Variants in TMEM108 observed in about 807,000 individuals in gnomAD.
TMEM108 encodes transmembrane protein 108.
TMEM108 carries 12 observed loss-of-function variants against 35.1 expected under a neutral mutation model. That is an observed-to-expected ratio of 0.34 (90% CI 0.22 to 0.55). TMEM108 has a LOEUF of 0.55. Ranked by LOEUF, TMEM108 falls within the 20% of genes least tolerant of loss-of-function variation. TMEM108 has a pLI of 0.89. For missense variants in TMEM108, 680 were observed against 753.3 expected, an observed-to-expected ratio of 0.90 and a Z score of 1.14; for synonymous variants, 287 against 308.6, an observed-to-expected ratio of 0.93 and a Z score of 0.73.
intron 2 of TMEM108, among the ~76,000 whole-genome samples, chr3:133,174,173 A>G (rs896042019): frequency 1.3e-5 from 2 of 152,254 alleles, no homozygotes; most frequent in Non-Finnish European, 2.9e-5. Flanking sequence ...TAATCAAAGC[A>G]GCCGGGAAGC....
chr3:133,338,816 G>T (rs1047249811), intron 3 of TMEM108, among the ~76,000 whole-genome samples: 1 of 151,982 alleles, frequency 6.6e-6, no homozygotes, highest in African/African-American at 2.4e-5. Flanking sequence ...TCAGGAGGAT[G>T]AAATTAAGGC....
intron 2 of TMEM108, among the ~76,000 whole-genome samples, chr3:133,086,939 A>G (rs921721245): frequency 6.6e-6 from 1 of 152,242 alleles, no homozygotes; most frequent in African/African-American, 2.4e-5. Context: ...AAAATGATTC[A>G]GAAAAATGCA....
chr3:133,306,720 G>T (rs933444641), intron 3 of TMEM108, among the ~76,000 whole-genome samples: 4 of 152,086 alleles, frequency 2.6e-5, no homozygotes, highest in African/African-American at 9.7e-5. Flanking sequence ...TGGCTGCATA[G>T]TATTCCATGG....
Position 133,395,927 on chromosome 3 carries a change from G to A in TMEM108, c.1669G>A (p.Val557Ile), listed in dbSNP as rs547372589. 58 of 1,608,250 alleles carry A rather than the reference G, an allele frequency of 3.6e-5. No homozygotes were observed. In the South Asian group the frequency reaches 6.1e-4, roughly 17 times the overall value. ...GDYRDTGMVL[V>I]NPFCQETLFV... is the part of the protein sequence containing the mutation. The stretch of plus-strand genomic sequence containing the variant: ...CTATAGAGACACTGGGATGGTCCTT[G>A]TTAACCCCTTCTGTCAAGAAACACT... The change falls in exon 6 of 6, where the codon GTT becomes ATT. Residue 557 changes from valine (V) to isoleucine (I), a missense_variant. By Grantham distance (29) the Val-to-Ile change is conservative. This residue lies in a region of TMEM108 where 105 missense variants were observed against 150.7 expected (regional missense o/e 0.70). Transcript: ENST00000321871.
intron 2 of TMEM108, among the ~76,000 whole-genome samples, chr3:133,158,399 C>G (rs1337354415): frequency 7.3e-6 from 1 of 136,558 alleles, no homozygotes. Flanking sequence ...ACCCAGGAGG[C>G]GGAGGTCACA....
chr3:133,269,343 G>T (rs554954559), intron 3 of TMEM108, among the ~76,000 whole-genome samples: 4 of 152,270 alleles, frequency 2.6e-5, no homozygotes, highest in Admixed American at 2.0e-4. Flanking sequence ...TGATGGAGGA[G>T]GGAGAGTTTC....
At position 133,184,963 on chromosome 3, in the gene TMEM108, C is replaced by T. The variant is rs1255985603; in HGVS notation, c.-46-44303C>T. ...TGTATTGTAGGTTAACTTTGCAAAC[C>T]CGCCACATATATTCTGTAATAAATT... On this transcript the variant is annotated intron_variant, in intron 2 of 5. Coordinates refer to ENST00000321871, the MANE Select transcript of TMEM108 (RefSeq NM_023943.4). Among the ~76,000 whole-genome samples, 8 of 152,282 alleles carry T rather than the reference C, an allele frequency of 5.3e-5. No homozygotes were observed. The East Asian group carries it at 1.4e-3, about 26-fold the overall frequency.
rs544465255 is a variant in TMEM108, at chr3:133,221,294, A to T, written c.-46-7972A>T. ...AGCCCACCAAGAATTGCCTCATTAG[A>T]AAAAAAGATGCTCCTATCACTGAGG... On this transcript the variant is annotated intron_variant, in intron 2 of 5. Transcript: ENST00000321871. Among the ~76,000 whole-genome samples, 20 of 152,162 alleles carry T rather than the reference A, an allele frequency of 1.3e-4. No homozygotes were observed. In the South Asian group the frequency reaches 2.5e-3, roughly 19 times the overall value.
At position 133,045,912 on chromosome 3, in the gene TMEM108, ATTGG is replaced by A. The variant is rs889867327; in HGVS notation, c.-153_-150del. 6.6e-6 allele frequency: 1 copy of A among 152,592 alleles called. No individual in the cohort carries two copies. Among genetic ancestry groups the A allele is most frequent in the South Asian group, 2.1e-4 (1 of 4,832 alleles). The allele number at this position is 152,592 out of a possible 1,614,324, so 9.5% of individuals were successfully genotyped here. ...TTTCATCTTTGCCAGTTGGTGATAG[ATTGG>A]TGGTCATCCAACATGCAGAAATGAA... On this transcript the variant is annotated 5_prime_UTR_variant, in exon 2 of 6. It adds an upstream start codon to the 5' untranslated region. Transcript: ENST00000321871.
intron 2 of TMEM108, among the ~76,000 whole-genome samples, chr3:133,181,861 A>G (rs577231319): frequency 6.6e-6 from 1 of 152,340 alleles, no homozygotes; most frequent in South Asian, 2.1e-4. Flanking sequence ...AAATAGCTTA[A>G]TGTGATTAAA....
intron 2 of TMEM108, among the ~76,000 whole-genome samples, chr3:133,047,371 A>C (rs1425147229): frequency 6.6e-6 from 1 of 152,248 alleles, no homozygotes; most frequent in East Asian, 1.9e-4. Context: ...CAGAAATAGC[A>C]CTTGGCTGGT....
intron 3 of TMEM108, among the ~76,000 whole-genome samples, chr3:133,241,201 CACTT>C (rs1379125465): frequency 6.6e-6 from 1 of 152,232 alleles, no homozygotes; most frequent in African/African-American, 2.4e-5. Flanking sequence ...ATTTTTGAAA[CACTT>C]AATCATTGCC....
At chr3:133,308,822 CT>C (rs1329657034) in intron 3 of TMEM108, among the ~76,000 whole-genome samples, 1 of 152,016 alleles carries the variant, frequency 6.6e-6, no homozygotes, top group African/African-American at 2.4e-5. Flanking sequence ...CTAAAATTCT[CT>C]TTTTTTGTTG....
intron 2 of TMEM108, among the ~76,000 whole-genome samples, chr3:133,155,013 T>G (rs2107771981): frequency 6.6e-6 from 1 of 152,226 alleles, no homozygotes; most frequent in Non-Finnish European, 1.5e-5. Context: ...CCACTTCCAC[T>G]TTCCTCTCAA....
chr3:133,243,744 C>T (rs567210408), intron 3 of TMEM108, among the ~76,000 whole-genome samples: 1 of 147,946 alleles, frequency 6.8e-6, no homozygotes, highest in Non-Finnish European at 1.5e-5. Context: ...AGGATGGTCT[C>T]GATCTCCTGA....
At chr3:133,253,650 T>A (rs568198523) in intron 3 of TMEM108, among the ~76,000 whole-genome samples, 1 of 152,346 alleles carries the variant, frequency 6.6e-6, no homozygotes, top group African/African-American at 2.4e-5. Flanking sequence ...TTATTAGATT[T>A]GTACAGAAAA....
At chr3:133,155,023 A>G (rs1306324609) in intron 2 of TMEM108, among the ~76,000 whole-genome samples, 1 of 151,990 alleles carries the variant, frequency 6.6e-6, no homozygotes, top group East Asian at 1.9e-4. Context: ...TTTCCTCTCA[A>G]GTAGTCCCCA....
rs140172397 is a variant in TMEM108 at position 133,309,231 on chromosome 3, G to A, written c.41-70521G>A. The stretch of plus-strand genomic sequence containing the variant: ...TATCCCCTTTGTCATTTTTTATTGC[G>A]TCTATTTGATTCTTCTCTCTTTTCT... On this transcript the variant is annotated intron_variant, in intron 3 of 5. Coordinates refer to ENST00000321871, the MANE Select transcript of TMEM108 (RefSeq NM_023943.4). Among the ~76,000 whole-genome samples the A allele has an allele frequency of 4.5e-3, 683 of 151,164 alleles. 2 individuals are homozygous for A. Among genetic ancestry groups the A allele is most frequent in the African/African-American group, 0.015 (603 of 41,376 alleles).
At chr3:133,096,010 A>G (rs536902592) in intron 2 of TMEM108, among the ~76,000 whole-genome samples, 6 of 152,314 alleles carry the variant, frequency 3.9e-5, no homozygotes, top group African/African-American at 1.2e-4. Context: ...TGGACCATCA[A>G]TCTGTAAGCT....
Sources: gnomAD v4.1 joint callset for allele counts (sites outside exome capture counted in the v4.1 genomes callset) on GRCh38, gnomAD v4.1.1 for gene constraint, gnomAD v4.1.1 regional missense constraint, MANE v1.5 for transcripts, NCBI Gene and HGNC (gene_info 2026-07-23, HGNC 2026-07-21) for gene names.